AGBL1: variants seen among roughly 807,000 people sequenced by gnomAD.
AGBL1 encodes the protein cytosolic carboxypeptidase 4.
A neutral mutation model predicts 118.9 loss-of-function variants in AGBL1; 130 were observed. The ratio of observed to expected loss-of-function variants is 1.09; its 90% CI spans 0.95 to 1.26. AGBL1 has a LOEUF of 1.26. Among genes scored for constraint, AGBL1 ranks in the 50% most tolerant of loss-of-function variants. The pLI, the probability that AGBL1 is intolerant of heterozygous loss-of-function variation, is 0.00. For missense variants in AGBL1, 1,584 were observed against 1,298.1 expected, an observed-to-expected ratio of 1.22 and a Z score of -3.38; for synonymous variants, 555 against 478.9, an observed-to-expected ratio of 1.16 and a Z score of -2.08.
intron 1 of AGBL1, among the ~76,000 whole-genome samples, chr15:86,124,093 G>A (rs1322058540): frequency 6.6e-6 from 1 of 152,080 alleles, no homozygotes; most frequent in Non-Finnish European, 1.5e-5. Context: ...ACTTTGGGAG[G>A]CCGAGGCAGG....
intron 16 of AGBL1, among the ~76,000 whole-genome samples, chr15:86,293,046 A>G (rs2079571863): frequency 6.6e-6 from 1 of 152,282 alleles, no homozygotes; most frequent in African/African-American, 2.4e-5. Flanking sequence ...TTATCTGGTA[A>G]TCTTTTCTTT....
intron 1 of AGBL1, among the ~76,000 whole-genome samples, chr15:86,121,917 T>C (rs938717534): frequency 6.6e-6 from 1 of 152,226 alleles, no homozygotes; most frequent in Non-Finnish European, 1.5e-5. Context: ...GAAACAAATT[T>C]GGCTTTTTGA....
intron 18 of AGBL1, among the ~76,000 whole-genome samples, chr15:86,476,110 C>A (rs1368672899): frequency 6.6e-6 from 1 of 152,194 alleles, no homozygotes; most frequent in Non-Finnish European, 1.5e-5. Flanking sequence ...CAACCAGTAC[C>A]AGCCACTGCA....
chr15:86,722,200 T>A (rs149613135), intron 22 of AGBL1, among the ~76,000 whole-genome samples: 48,421 of 152,026 alleles, frequency 0.32, 9,156 homozygotes, highest in Non-Finnish European at 0.43. Context: ...CATTGCCAAG[T>A]CAATCCTAAG....
At position 86,702,818 on chromosome 15, in the gene AGBL1, C is replaced by T. The variant is rs192033426; in HGVS notation, c.3158+28382C>T. On this transcript the variant is annotated intron_variant, in intron 22 of 22. Transcript: ENST00000614907. ...TGTTTCCAGGAGTTTCTTAGCTTCCCTTTTTTTTTCCTTGCCCAGTCTCCT... is the reference window on the plus strand; with the variant it reads ...TGTTTCCAGGAGTTTCTTAGCTTCCTTTTTTTTTTCCTTGCCCAGTCTCCT... Among the ~76,000 whole-genome samples the T allele has an allele frequency of 1.7e-3, 259 of 150,790 alleles. 4 individuals are homozygous for T. The East Asian group carries it at 0.022, about 13-fold the overall frequency.
At chr15:86,536,772 G>T (rs1201595571) in intron 19 of AGBL1, among the ~76,000 whole-genome samples, 1 of 152,220 alleles carries the variant, frequency 6.6e-6, no homozygotes. Context: ...TTCAGCCTTT[G>T]TGAAGGTCCC....
At chr15:86,371,633 C>G (rs1370958901) in intron 17 of AGBL1, among the ~76,000 whole-genome samples, 1 of 152,082 alleles carries the variant, frequency 6.6e-6, no homozygotes, top group Non-Finnish European at 1.5e-5. Flanking sequence ...ATACCTCACC[C>G]CGGCTGAGAA....
intron 23 of AGBL1, among the ~76,000 whole-genome samples, chr15:86,945,376 G>C (rs2080806466): frequency 6.6e-6 from 1 of 151,686 alleles, no homozygotes; most frequent in African/African-American, 2.4e-5. Context: ...AGAAAAGATA[G>C]TAAAAAACCA....
At chr15:86,895,054 T>TTTC (rs1385082572) in intron 22 of AGBL1, among the ~76,000 whole-genome samples, 1 of 151,114 alleles carries the variant, frequency 6.6e-6, no homozygotes, top group Non-Finnish European at 1.5e-5. Context: ...TTGTTCCTTC[T>TTTC]TTCTTTTATC....
intron 17 of AGBL1, among the ~76,000 whole-genome samples, chr15:86,371,041 G>A (rs1439998352): frequency 6.6e-6 from 1 of 152,178 alleles, no homozygotes; most frequent in African/African-American, 2.4e-5. Context: ...CCTGAAAATG[G>A]TTAAGATCAC....
At chr15:86,713,419 A>T (rs951492021) in intron 22 of AGBL1, among the ~76,000 whole-genome samples, 1 of 152,190 alleles carries the variant, frequency 6.6e-6, no homozygotes, top group Non-Finnish European at 1.5e-5. Flanking sequence ...TTTTTAATTA[A>T]TTATGGCTAT....
At chr15:86,788,822 A>G (rs2141324929) in intron 22 of AGBL1, among the ~76,000 whole-genome samples, 1 of 152,312 alleles carries the variant, frequency 6.6e-6, no homozygotes, top group South Asian at 2.1e-4. Context: ...ATGTGATGAG[A>G]AAGAATCAGA....
intron 22 of AGBL1, among the ~76,000 whole-genome samples, chr15:86,871,620 C>A (rs1010308108): frequency 2.0e-5 from 3 of 152,186 alleles, no homozygotes; most frequent in African/African-American, 7.2e-5. Flanking sequence ...TTGCCTCAGA[C>A]TTGGGGTCCC....
At chr15:86,814,451 G>A (rs1172032477) in intron 22 of AGBL1, among the ~76,000 whole-genome samples, 1 of 152,116 alleles carries the variant, frequency 6.6e-6, no homozygotes, top group African/African-American at 2.4e-5. Context: ...AACCTACATA[G>A]GATGGTCACA....
intron 22 of AGBL1, among the ~76,000 whole-genome samples, chr15:86,871,113 G>A (rs1189416253): frequency 6.6e-6 from 1 of 152,180 alleles, no homozygotes; most frequent in African/African-American, 2.4e-5. Context: ...TAGCCAGGAA[G>A]CCAGCTTAAG....
At chr15:86,496,471 A>T (rs1348840124) in intron 18 of AGBL1, among the ~76,000 whole-genome samples, 1 of 152,080 alleles carries the variant, frequency 6.6e-6, no homozygotes, top group Non-Finnish European at 1.5e-5. Flanking sequence ...TAGCTTTTTT[A>T]AAAGATCCAA....
At chr15:86,956,293 A>G (rs961680046) in intron 23 of AGBL1, among the ~76,000 whole-genome samples, 42 of 151,934 alleles carry the variant, frequency 2.8e-4, no homozygotes, top group African/African-American at 9.7e-4. Flanking sequence ...TGGATGATAT[A>G]GATAGATATA....
At chr15:86,850,543 A>G (rs976984956) in intron 22 of AGBL1, among the ~76,000 whole-genome samples, 1 of 152,186 alleles carries the variant, frequency 6.6e-6, no homozygotes, top group Non-Finnish European at 1.5e-5. Flanking sequence ...CTCCTGTTCC[A>G]GATAATTCTT....
Position 86,910,735 on chromosome 15 carries a change from AAG to A in AGBL1, c.*3446_*3447del, listed in dbSNP as rs1047179569. ...TACCTCAGGAAGCAGAAGGAGAACAAAGAGAGGTGTACCTAACACTTGGTGAT... is the reference window on the plus strand; with the variant it reads ...TACCTCAGGAAGCAGAAGGAGAACAAAGAGGTGTACCTAACACTTGGTGAT... On this transcript the variant is annotated 3_prime_UTR_variant, in exon 23 of 23. Coordinates refer to ENST00000614907, the MANE Select transcript of AGBL1 (RefSeq NM_001386094.1). 2 of 152,232 alleles carry A rather than the reference AAG, an allele frequency of 1.3e-5. No individual in the cohort carries two copies. The highest frequency in any genetic ancestry group is 4.8e-5 in the African/African-American group (2 of 41,450). The allele number at this position is 152,232 out of a possible 1,614,324, so 9.4% of individuals were successfully genotyped here. A position where few individuals can be genotyped will look rare whatever the true frequency, so the allele number is the denominator to read the frequency against.
Sources: gnomAD v4.1 joint callset for allele counts (sites outside exome capture counted in the v4.1 genomes callset) on GRCh38, gnomAD v4.1.1 for gene constraint, MANE v1.5 for transcripts, NCBI Gene and HGNC (gene_info 2026-07-23, HGNC 2026-07-21) for gene names.